Variants in C8orf34 observed in about 807,000 individuals in gnomAD.
C8orf34 encodes chromosome 8 open reading frame 34.
In C8orf34, 65 loss-of-function variants were observed where a neutral mutation model predicts 68.3. That is an observed-to-expected ratio of 0.95 (90% confidence interval 0.78 to 1.17). The LOEUF (loss-of-function observed/expected upper bound fraction) is 1.17, where lower values mean the gene tolerates loss of function less well. Among genes scored for constraint, C8orf34 ranks in the 50% most tolerant of loss-of-function variants. The pLI, the probability that C8orf34 is intolerant of heterozygous loss-of-function variation, is 0.00. For missense variants in C8orf34, 664 were observed against 655.4 expected (o/e 1.01, Z -0.14); for synonymous variants, 244 against 241.2 (o/e 1.01, Z -0.11).
intron 1 of C8orf34, among the ~76,000 whole-genome samples, chr8:68,403,167 C>G (rs570000196): frequency 6.6e-6 from 1 of 152,308 alleles, no homozygotes; most frequent in East Asian, 1.9e-4. Context: ...GACAACTCTT[C>G]CATAATGTAC....
chr8:68,534,157 G>A, intron 7 of C8orf34: 1 of 985,206 alleles, frequency 1.0e-6, no homozygotes, highest in Non-Finnish European at 1.2e-6. Flanking sequence ...GGCCTACAAA[G>A]GTGTTATTTG....
rs555018691 is a variant in C8orf34, at chr8:68,697,800, A to G, written c.1242-11194A>G. Among the ~76,000 whole-genome samples, 100 of 152,198 alleles carry G rather than the reference A, an allele frequency of 6.6e-4. 1 individual carries two copies. In the South Asian group the frequency reaches 0.019, roughly 29 times the overall value. ...TCCAGATTAGGGGAACTTTCGTCCA[A>G]TTTAGGAAAGTGATCCCTGCATGGC... On this transcript the variant is annotated intron_variant, in intron 8 of 13. Coordinates refer to ENST00000518698, the MANE Select transcript of C8orf34 (RefSeq NM_052958.4).
intron 1 of C8orf34, among the ~76,000 whole-genome samples, chr8:68,383,065 A>G (rs1808111024): frequency 6.6e-6 from 1 of 152,182 alleles, no homozygotes; most frequent in Admixed American, 6.5e-5. Flanking sequence ...ATATTGTAGC[A>G]TAGGTTAAAG....
At chr8:68,757,325 G>A (rs753003592) in intron 10 of C8orf34, among the ~76,000 whole-genome samples, 16 of 152,026 alleles carry the variant, frequency 1.1e-4, no homozygotes, top group Non-Finnish European at 1.8e-4. Context: ...TAACAAGTGC[G>A]AAAGATTAAA....
intron 13 of C8orf34, among the ~76,000 whole-genome samples, chr8:68,817,289 G>C (rs1824848483): frequency 6.6e-6 from 1 of 152,130 alleles, no homozygotes; most frequent in Non-Finnish European, 1.5e-5. Flanking sequence ...TAGTCAAAGG[G>C]TCAAGAGAAA....
At chr8:68,395,384 C>CACACACACAA (rs1808659149) in intron 1 of C8orf34, among the ~76,000 whole-genome samples, 1 of 146,868 alleles carries the variant, frequency 6.8e-6, no homozygotes, top group Non-Finnish European at 1.5e-5. Flanking sequence ...CACACACACA[C>CACACACACAA]ACACACACAC....
intron 5 of C8orf34, among the ~76,000 whole-genome samples, chr8:68,501,494 G>C (rs972218085): frequency 2.6e-5 from 4 of 152,140 alleles, no homozygotes; most frequent in African/African-American, 4.8e-5. Context: ...TCAGAACAAG[G>C]CTTCTGGACT....
At chr8:68,536,555 T>C (rs1228171373) in intron 7 of C8orf34, among the ~76,000 whole-genome samples, 7 of 151,944 alleles carry the variant, frequency 4.6e-5, no homozygotes, top group Non-Finnish European at 7.4e-5. Context: ...CGAGTTTCAG[T>C]CACGTTTTTG....
intron 1 of C8orf34, among the ~76,000 whole-genome samples, chr8:68,431,562 C>T (rs182290339): frequency 1.3e-5 from 2 of 152,240 alleles, no homozygotes; most frequent in East Asian, 1.9e-4. Context: ...AAAGTATTTC[C>T]GTAGGATATG....
chr8:68,556,542 G>A (rs1466599184), intron 7 of C8orf34, among the ~76,000 whole-genome samples: 2 of 152,040 alleles, frequency 1.3e-5, no homozygotes, highest in Non-Finnish European at 2.9e-5. Context: ...TAGCGCACAA[G>A]TCAGGAGGCA....
At chr8:68,651,681 A>G (rs1223022261) in intron 8 of C8orf34, among the ~76,000 whole-genome samples, 1 of 152,206 alleles carries the variant, frequency 6.6e-6, no homozygotes, top group Non-Finnish European at 1.5e-5. Context: ...GTTCTTGCTT[A>G]TAAGTGGGAG....
chr8:68,500,413 G>A (rs1365009516), intron 5 of C8orf34, among the ~76,000 whole-genome samples: 1 of 152,104 alleles, frequency 6.6e-6, no homozygotes, highest in Non-Finnish European at 1.5e-5. Flanking sequence ...ATGCCACGTG[G>A]GATCCAGGAT....
chr8:68,755,736 A>C (rs1822835486), intron 10 of C8orf34, among the ~76,000 whole-genome samples: 1 of 152,150 alleles, frequency 6.6e-6, no homozygotes, highest in Non-Finnish European at 1.5e-5. Context: ...CTAAGAAGTC[A>C]CTTCGTGTAC....
intron 1 of C8orf34, among the ~76,000 whole-genome samples, chr8:68,374,244 T>C (rs543862930): frequency 9.2e-5 from 14 of 152,272 alleles, no homozygotes; most frequent in South Asian, 2.1e-4. Context: ...GATTGTACTT[T>C]AGAATTTTTT....
chr8:68,478,159 A>T (rs1435443921), intron 4 of C8orf34, among the ~76,000 whole-genome samples: 1 of 152,004 alleles, frequency 6.6e-6, no homozygotes, highest in Admixed American at 6.6e-5. Context: ...AGCCTGCAAA[A>T]TTTTCAAGTT....
intron 10 of C8orf34, among the ~76,000 whole-genome samples, chr8:68,733,404 G>A (rs1376806953): frequency 6.6e-6 from 1 of 152,076 alleles, no homozygotes; most frequent in East Asian, 1.9e-4. Flanking sequence ...TCTCATCTAG[G>A]CAATGGAGAG....
Position 68,721,458 on chromosome 8 carries a change from A to AT in C8orf34, c.1404+29dup, listed in dbSNP as rs570153453. ...GACCTGTAAGTATATTCATTGACTTATTTTTTTTAATTGCTAAAACTAATT... is the reference window on the plus strand; with the variant it reads ...GACCTGTAAGTATATTCATTGACTTATTTTTTTTTAATTGCTAAAACTAATT... On this transcript the variant is annotated intron_variant, in intron 10 of 13. Coordinates refer to ENST00000518698, the MANE Select transcript of C8orf34 (RefSeq NM_052958.4). 255 of 1,465,160 alleles carry AT rather than the reference A, an allele frequency of 1.7e-4. No individual in the cohort carries two copies. The African/African-American group carries it at 2.0e-3, about 11-fold the overall frequency. 90.8% of individuals were successfully genotyped at this position (1,465,160 alleles called of 1,614,324 possible).
intron 9 of C8orf34, among the ~76,000 whole-genome samples, chr8:68,715,823 C>T (rs1821456285): frequency 6.6e-6 from 1 of 151,988 alleles, no homozygotes; most frequent in African/African-American, 2.4e-5. Flanking sequence ...AGGTATCTAT[C>T]CAGATGAAAA....
chr8:68,645,142 G>T (rs1341018335), intron 8 of C8orf34, among the ~76,000 whole-genome samples: 1 of 152,090 alleles, frequency 6.6e-6, no homozygotes, highest in African/African-American at 2.4e-5. Flanking sequence ...GTGACAAAAG[G>T]GATCTGACAT....
Sources: allele counts gnomAD v4.1 joint callset (sites outside exome capture counted in the v4.1 genomes callset), GRCh38; gene constraint gnomAD v4.1.1; transcripts MANE v1.5; gene names NCBI Gene and HGNC (gene_info 2026-07-23, HGNC 2026-07-21).